The following PCSK5 variants were observed in gnomAD, a reference collection of about 807,000 sequenced individuals.
PCSK5 encodes prohormone convertase 5.
PCSK5 carries 129 observed loss-of-function variants against 233.2 expected under a neutral mutation model. That is an observed-to-expected ratio of 0.55 (90% CI 0.48 to 0.64). The LOEUF (loss-of-function observed/expected upper bound fraction) is 0.64. Among genes scored for constraint, PCSK5 ranks in the 30% least tolerant of loss-of-function variants. The probability of loss-of-function intolerance (pLI) is 0.00; values close to 1 mark genes in which losing one functional copy is unlikely to be tolerated. For synonymous variants in PCSK5, 825 were observed against 879.2 expected (o/e 0.94, Z 1.09); for missense variants, 2,076 against 2,430.1 (o/e 0.85, Z 3.06).
intron 20 of PCSK5, among the ~76,000 whole-genome samples, chr9:76,204,826 G>T (rs1025036023): frequency 2.6e-5 from 4 of 152,146 alleles, no homozygotes; most frequent in African/African-American, 9.7e-5. Context: ...AGATGTTGGT[G>T]CTTCTTTTGG....
intron 12 of PCSK5, among the ~76,000 whole-genome samples, chr9:76,166,618 A>T (rs768675376): frequency 6.6e-6 from 1 of 152,198 alleles, no homozygotes; most frequent in South Asian, 2.1e-4. Flanking sequence ...ATGTGAGGCA[A>T]TGAGCCAAGT....
chr9:75,934,303 G>A (rs1174278839), intron 2 of PCSK5, among the ~76,000 whole-genome samples: 1 of 152,150 alleles, frequency 6.6e-6, no homozygotes, highest in East Asian at 1.9e-4. Flanking sequence ...ATTTACACAG[G>A]ACAGCCACGG....
At chr9:76,294,228 T>C (rs1237947532) in intron 25 of PCSK5, among the ~76,000 whole-genome samples, 2 of 150,550 alleles carry the variant, frequency 1.3e-5, no homozygotes, top group Non-Finnish European at 3.0e-5. Flanking sequence ...TTAAGGAAGA[T>C]ATGCAAAGGT....
intron 24 of PCSK5, among the ~76,000 whole-genome samples, chr9:76,266,733 G>A (rs62564581): frequency 0.048 from 7,378 of 152,222 alleles, 225 homozygotes; most frequent in Middle Eastern, 0.092. Flanking sequence ...TCATTGAATA[G>A]AGCCTCAAGA....
chr9:76,225,819 AAG>A (rs1825871965), intron 20 of PCSK5, among the ~76,000 whole-genome samples: 1 of 152,164 alleles, frequency 6.6e-6, no homozygotes, highest in Admixed American at 6.5e-5. Context: ...GAGTTAATAA[AAG>A]GTGTCCCTCT....
rs1825873497 is a variant in PCSK5 at position 76,225,853 on chromosome 9, ACCAGAGTG to A, written c.2627-1647_2627-1640del. Among the ~76,000 whole-genome samples, 4 of 152,172 alleles carry A rather than the reference ACCAGAGTG, an allele frequency of 2.6e-5. No individual in the cohort carries two copies. In the South Asian group the frequency reaches 8.3e-4, roughly 32 times the overall value. Reference sequence around the variant, plus strand: ...CTCTACAGAGGCAGGCGCAGCCTACACCAGAGTGCCTGGCATGGTGAAGCAAATGGGCT... The same window carrying A: ...CTCTACAGAGGCAGGCGCAGCCTACACCTGGCATGGTGAAGCAAATGGGCT... On this transcript the variant is annotated intron_variant, in intron 20 of 37. Coordinates refer to ENST00000674117, the MANE Select transcript of PCSK5 (RefSeq NM_001372043.1).
At chr9:76,013,597 CT>C in intron 3 of PCSK5, among the ~76,000 whole-genome samples, 1 of 152,182 alleles carries the variant, frequency 6.6e-6, no homozygotes, top group South Asian at 2.1e-4. Context: ...ATTTATTTGT[CT>C]TTCTTTCCGT....
intron 24 of PCSK5, among the ~76,000 whole-genome samples, chr9:76,250,933 G>C (rs1826780750): frequency 2.0e-5 from 3 of 152,132 alleles, no homozygotes; most frequent in Admixed American, 2.0e-4. Context: ...ACATAAAAAG[G>C]GCAAATGTTA....
At chr9:76,126,443 G>A (rs762254949) in intron 9 of PCSK5, among the ~76,000 whole-genome samples, 31 of 152,158 alleles carry the variant, frequency 2.0e-4, no homozygotes, top group Middle Eastern at 6.8e-3. Context: ...GAGAAATCCC[G>A]TCTCTACTAA....
At chr9:76,167,909 C>T (rs918697264) in intron 12 of PCSK5, among the ~76,000 whole-genome samples, 1 of 152,160 alleles carries the variant, frequency 6.6e-6, no homozygotes, top group African/African-American at 2.4e-5. Flanking sequence ...ACATGATTGC[C>T]CCTAAGAAAA....
intron 26 of PCSK5, 100 bp from the exon 27 acceptor site, chr9:76,296,565 G>A: frequency 1.4e-6 from 1 of 714,006 alleles, no homozygotes. Flanking sequence ...AAAAACAAAT[G>A]CAAAGAAAAA....
intron 2 of PCSK5, among the ~76,000 whole-genome samples, chr9:75,959,853 A>T (rs1825265812): frequency 6.6e-6 from 1 of 152,226 alleles, no homozygotes; most frequent in African/African-American, 2.4e-5. Context: ...TGAGTAAGGT[A>T]TGGTAAGCTT....
chr9:75,975,434 A>C (rs1554668039), intron 2 of PCSK5, among the ~76,000 whole-genome samples: 1 of 152,218 alleles, frequency 6.6e-6, no homozygotes, highest in Non-Finnish European at 1.5e-5. Context: ...GATATTTAGC[A>C]GATCACCCTA....
chr9:75,941,077 A>G (rs1426131630), intron 2 of PCSK5, among the ~76,000 whole-genome samples: 1 of 152,212 alleles, frequency 6.6e-6, no homozygotes, highest in African/African-American at 2.4e-5. Context: ...CTGGAGTTCA[A>G]GTGCTTCCTG....
chr9:76,107,101 A>C (rs1314227273), intron 8 of PCSK5, 150 bp from the exon 9 acceptor site: 9 of 532,766 alleles, frequency 1.7e-5, no homozygotes, highest in Non-Finnish European at 3.0e-5. Flanking sequence ...ATTCTCTGGA[A>C]GTGATATGAT....
intron 24 of PCSK5, among the ~76,000 whole-genome samples, chr9:76,291,949 C>T (rs1054228892): frequency 1.3e-5 from 2 of 152,116 alleles, no homozygotes; most frequent in South Asian, 4.1e-4. Flanking sequence ...TGTGGATGGT[C>T]GTTGATCTTT....
chr9:76,220,038 C>A (rs1398681004), intron 20 of PCSK5, among the ~76,000 whole-genome samples: 1 of 152,066 alleles, frequency 6.6e-6, no homozygotes, highest in Non-Finnish European at 1.5e-5. Flanking sequence ...AGTGCACTAG[C>A]AAACCTGTAG....
chr9:76,001,167 T>A (rs1417837056), intron 3 of PCSK5, among the ~76,000 whole-genome samples: 1 of 152,340 alleles, frequency 6.6e-6, no homozygotes, highest in Middle Eastern at 3.4e-3. Context: ...TAATTACTCT[T>A]TGATTTTATC....
chr9:76,159,004 A>G lies in PCSK5; in HGVS notation c.1452A>G (p.Ala484=). 6.2e-7 allele frequency: 1 copy of G among 1,614,110 alleles called. No individual in the cohort carries two copies. The highest frequency in any genetic ancestry group is 8.5e-7 in the Non-Finnish European group (1 of 1,179,974). The change falls in exon 12 of 38, where the codon GCA becomes GCG. Residue 484 remains alanine, a synonymous_variant. Coordinates refer to ENST00000674117, the MANE Select transcript of PCSK5 (RefSeq NM_001372043.1). Reference sequence around the variant, plus strand: ...ACAGGACAATCCGCCCTAACAGTGCAGTGCGCTCCATCTACAAAGCTTCAG... The same window carrying G: ...ACAGGACAATCCGCCCTAACAGTGCGGTGCGCTCCATCTACAAAGCTTCAG... ...RQIKTIRPNS[A]VRSIYKASGC...
Sources: allele counts gnomAD v4.1 joint callset (sites outside exome capture counted in the v4.1 genomes callset), GRCh38; gene constraint gnomAD v4.1.1; transcripts MANE v1.5; gene names NCBI Gene and HGNC (gene_info 2026-07-23, HGNC 2026-07-21).